The following CNTN5 variants were observed in gnomAD, a reference collection of about 807,000 sequenced individuals.
The protein encoded by CNTN5 is contactin-5.
CNTN5 carries 77 observed loss-of-function variants against 129.1 expected under a neutral mutation model. The observed-to-expected ratio is 0.60, with a 90% CI of 0.50 to 0.72. The LOEUF is 0.72. CNTN5 is among the 30% of genes least tolerant of loss of function. The pLI is 0.00. For synonymous variants in CNTN5, 509 were observed against 465.6 expected (o/e 1.09, Z -1.20); for missense variants, 1,478 against 1,328.8 (o/e 1.11, Z -1.75).
intron 3 of CNTN5, among the ~76,000 whole-genome samples, chr11:99,677,299 G>T (rs751040240): frequency 4.3e-4 from 63 of 145,984 alleles, no homozygotes; most frequent in Non-Finnish European, 8.2e-4. Context: ...GCTACCAATG[G>T]TGAATGCCTT....
intron 21 of CNTN5, among the ~76,000 whole-genome samples, chr11:100,313,573 A>T (rs1177964205): frequency 6.6e-6 from 1 of 152,110 alleles, no homozygotes; most frequent in Non-Finnish European, 1.5e-5. Context: ...TAAGTCAGAT[A>T]GGCAGTAGAA....
At chr11:99,391,648 G>T (rs1050067188) in intron 2 of CNTN5, among the ~76,000 whole-genome samples, 4 of 152,148 alleles carry the variant, frequency 2.6e-5, no homozygotes, top group African/African-American at 9.6e-5. Flanking sequence ...ATATAGAAAG[G>T]TGAAGGTAGG....
In CNTN5 at chr11:100,167,866, G is replaced by A. The variant is rs569464877; in HGVS notation, c.1581-23260G>A. Among the ~76,000 whole-genome samples, 4 of 152,070 alleles carry A rather than the reference G, an allele frequency of 2.6e-5. No homozygotes were observed. The South Asian group carries it at 6.2e-4, about 24-fold the overall frequency. ...CTAGGCCTCTTGTGGCAGACAGTTA[G>A]CCAAGCTGTGAATGCAACGGAAAAG... On this transcript the variant is annotated intron_variant, in intron 13 of 24. Coordinates refer to ENST00000524871, the MANE Select transcript of CNTN5 (RefSeq NM_014361.4).
intron 3 of CNTN5, among the ~76,000 whole-genome samples, chr11:99,727,366 T>G (rs1943386506): frequency 6.8e-6 from 1 of 147,932 alleles, no homozygotes; most frequent in Admixed American, 6.8e-5. Context: ...TTGTGTGTTA[T>G]TAGAATATTG....
chr11:99,253,289 G>T (rs1862207447), intron 1 of CNTN5, among the ~76,000 whole-genome samples: 1 of 151,978 alleles, frequency 6.6e-6, no homozygotes, highest in South Asian at 2.1e-4. Context: ...ATGATGTGAG[G>T]CCTCCTCAGC....
chr11:99,186,422 G>C (rs1858353891), intron 1 of CNTN5, among the ~76,000 whole-genome samples: 1 of 151,640 alleles, frequency 6.6e-6, no homozygotes, highest in Non-Finnish European at 1.5e-5. Context: ...ATTTGTGGTT[G>C]CATTTTAAAA....
intron 1 of CNTN5, among the ~76,000 whole-genome samples, chr11:99,129,552 C>T (rs978323171): frequency 6.6e-6 from 1 of 152,096 alleles, no homozygotes; most frequent in African/African-American, 2.4e-5. Context: ...GGATACTATC[C>T]AGGAGAATTT....
At chr11:99,845,305 T>A in intron 6 of CNTN5, 43 bp downstream of exon 6, 1 of 1,047,158 alleles carries the variant, frequency 9.5e-7, no homozygotes, top group Non-Finnish European at 1.3e-6. Context: ...GTATATAGTG[T>A]GTATATACAG....
intron 10 of CNTN5, among the ~76,000 whole-genome samples, chr11:100,065,407 T>A (rs944646487): frequency 6.6e-6 from 1 of 152,036 alleles, no homozygotes; most frequent in Non-Finnish European, 1.5e-5. Context: ...ATGTCCACTA[T>A]GAAAAATAGA....
At chr11:99,274,067 T>G (rs987639201) in intron 1 of CNTN5, among the ~76,000 whole-genome samples, 1 of 151,760 alleles carries the variant, frequency 6.6e-6, no homozygotes, top group Non-Finnish European at 1.5e-5. Context: ...ATACTTCAAG[T>G]GCTCAGTAGC....
chr11:99,890,117 TGGG>T (rs1174520613), intron 6 of CNTN5, among the ~76,000 whole-genome samples: 1 of 152,098 alleles, frequency 6.6e-6, no homozygotes, highest in Admixed American at 6.5e-5. Context: ...TTCCCCTCAA[TGGG>T]CAATATATTT....
intron 13 of CNTN5, among the ~76,000 whole-genome samples, chr11:100,129,230 C>T (rs947798939): frequency 3.3e-5 from 5 of 151,986 alleles, no homozygotes; most frequent in African/African-American, 1.2e-4. Flanking sequence ...GTGCGTTATG[C>T]CAGTTTAAGG....
At chr11:99,341,131 A>G (rs1444354804) in intron 2 of CNTN5, among the ~76,000 whole-genome samples, 2 of 152,202 alleles carry the variant, frequency 1.3e-5, no homozygotes, top group Admixed American at 6.5e-5. Flanking sequence ...CAAGAATTCA[A>G]TACCATCTTG....
chr11:100,202,921 T>C (rs926851597), intron 15 of CNTN5, among the ~76,000 whole-genome samples: 1 of 152,028 alleles, frequency 6.6e-6, no homozygotes, highest in African/African-American at 2.4e-5. Flanking sequence ...ATGTTCCAAA[T>C]CTGATTTGCT....
intron 3 of CNTN5, among the ~76,000 whole-genome samples, chr11:99,690,828 G>C (rs1954009773): frequency 6.6e-6 from 1 of 151,530 alleles, no homozygotes; most frequent in Non-Finnish European, 1.5e-5. Context: ...AGTTTCAGTA[G>C]AAATGATAAC....
chr11:99,167,591 A>C (rs1300658050), intron 1 of CNTN5, among the ~76,000 whole-genome samples: 1 of 152,168 alleles, frequency 6.6e-6, no homozygotes, highest in African/African-American at 2.4e-5. Flanking sequence ...CATATGAGGC[A>C]AAACCAAAAT....
intron 4 of CNTN5, among the ~76,000 whole-genome samples, chr11:99,820,236 CTAAA>C (rs1946753914): frequency 6.6e-6 from 1 of 152,280 alleles, no homozygotes; most frequent in African/African-American, 2.4e-5. Context: ...AGGATTAAGA[CTAAA>C]TACTCTCGTA....
chr11:99,216,597 G>C (rs1208577024), intron 1 of CNTN5, among the ~76,000 whole-genome samples: 3 of 151,850 alleles, frequency 2.0e-5, no homozygotes, highest in African/African-American at 7.3e-5. Context: ...TCTTTAACTA[G>C]CTCCTATTTA....
chr11:99,546,765 C>T (rs1948306755), intron 2 of CNTN5, among the ~76,000 whole-genome samples: 2 of 152,092 alleles, frequency 1.3e-5, no homozygotes, highest in Non-Finnish European at 2.9e-5. Flanking sequence ...GGCTTGATCT[C>T]CTACCACTTA....
Sources: allele counts gnomAD v4.1 joint callset (sites outside exome capture counted in the v4.1 genomes callset), GRCh38; gene constraint gnomAD v4.1.1; transcripts MANE v1.5; gene names NCBI Gene and HGNC (gene_info 2026-07-23, HGNC 2026-07-21).